The following MAN1C1 variants were observed in gnomAD, a reference collection of about 807,000 sequenced individuals.
MAN1C1 encodes the protein mannosyl-oligosaccharide 1,2-alpha-mannosidase IC.
A neutral mutation model predicts 71.5 loss-of-function variants in MAN1C1; 49 were observed. The ratio of observed to expected loss-of-function variants is 0.69; its 90% confidence interval spans 0.54 to 0.87. The LOEUF (loss-of-function observed/expected upper bound fraction) is 0.87. Among genes scored for constraint, MAN1C1 ranks in the 40% least tolerant of loss-of-function variants. The pLI, the probability that MAN1C1 is intolerant of heterozygous loss-of-function variation, is 0.00. For missense variants in MAN1C1, 743 were observed against 835.0 expected (o/e 0.89, Z 1.36); for synonymous variants, 352 against 343.7 (o/e 1.02, Z -0.27).
At chr1:25,738,103 A>T (rs1264067885) in intron 2 of MAN1C1, among the ~76,000 whole-genome samples, 1 of 151,768 alleles carries the variant, frequency 6.6e-6, no homozygotes, top group Non-Finnish European at 1.5e-5. Flanking sequence ...CTCCAGTAAG[A>T]GCATTCTATT....
At chr1:25,630,346 T>G (rs2045360367) in intron 1 of MAN1C1, among the ~76,000 whole-genome samples, 1 of 152,166 alleles carries the variant, frequency 6.6e-6, no homozygotes, top group South Asian at 2.1e-4. Flanking sequence ...ACCTCTAGAT[T>G]TGTTGTTTTT....
At chr1:25,715,531 T>C (rs1477658240) in intron 2 of MAN1C1, among the ~76,000 whole-genome samples, 1 of 152,200 alleles carries the variant, frequency 6.6e-6, no homozygotes, top group Non-Finnish European at 1.5e-5. Flanking sequence ...GGTGTGAAAG[T>C]TACTGTGGTG....
intron 1 of MAN1C1, among the ~76,000 whole-genome samples, chr1:25,620,358 A>G (rs1276254569): frequency 6.6e-6 from 1 of 152,298 alleles, no homozygotes; most frequent in East Asian, 1.9e-4. Context: ...ATCTTGAAGA[A>G]GAGAGGGCTG....
chr1:25,689,013 G>A (rs950529952), intron 2 of MAN1C1, among the ~76,000 whole-genome samples: 2 of 152,206 alleles, frequency 1.3e-5, no homozygotes, highest in African/African-American at 4.8e-5. Flanking sequence ...CAGATCAGCC[G>A]CAGTGGGTGG....
At chr1:25,713,930 T>A (rs1443173060) in intron 2 of MAN1C1, among the ~76,000 whole-genome samples, 2 of 152,186 alleles carry the variant, frequency 1.3e-5, no homozygotes, top group Non-Finnish European at 2.9e-5. Flanking sequence ...TCAACCTTCG[T>A]GTTTCCTGTA....
chr1:25,778,330 C>G lies in MAN1C1; in HGVS notation c.1477+6C>G. 6.2e-7 allele frequency: 1 copy of G among 1,601,588 alleles called. No homozygotes were observed. The highest frequency in any genetic ancestry group is 1.1e-5 in the South Asian group (1 of 90,236). On this transcript the variant is annotated splice_donor_region_variant and intron_variant, in intron 9 of 11. Transcript: ENST00000374332. This position sits in a 1 kb window ranked among gnomAD's most constrained non-coding sequence, Gnocchi z 5.5. ...CGAGTCATACGCCCGCTCAGGTAAC[C>G]CTGCAAGGGGAAGGGGCAGCAGGAG... is the stretch of plus-strand genomic sequence containing the variant.
intron 1 of MAN1C1, among the ~76,000 whole-genome samples, chr1:25,643,217 G>A (rs1313986299): frequency 1.3e-5 from 2 of 149,368 alleles, no homozygotes; most frequent in Non-Finnish European, 2.9e-5. Flanking sequence ...GCAGTCCTTA[G>A]TCCTACCTCC....
At chr1:25,690,862 A>C (rs995721307) in intron 2 of MAN1C1, among the ~76,000 whole-genome samples, 9 of 152,194 alleles carry the variant, frequency 5.9e-5, no homozygotes, top group African/African-American at 2.2e-4. Flanking sequence ...ACAGAGGTGA[A>C]TTTGCAGCTT....
intron 2 of MAN1C1, among the ~76,000 whole-genome samples, chr1:25,744,925 G>T (rs114201098): frequency 6.6e-6 from 1 of 152,204 alleles, no homozygotes; most frequent in Non-Finnish European, 1.5e-5. Flanking sequence ...GGACACTGAA[G>T]GAACAATTAC....
rs1026788489 is a variant in MAN1C1 at position 25,756,792 on chromosome 1, G to T, written c.930-1800G>T. ...GCCTCAGTTTCCTCCTTTGCATAGG[G>T]GTATGAATGATGCTTTACGTTATGG... On this transcript the variant is annotated intron_variant, in intron 5 of 11. Transcript: ENST00000374332. Among the ~76,000 whole-genome samples the T allele has an allele frequency of 2.6e-5, 4 of 152,154 alleles. No individual in the cohort carries two copies. The East Asian group carries it at 5.8e-4, about 22-fold the overall frequency.
intron 2 of MAN1C1, among the ~76,000 whole-genome samples, chr1:25,743,551 C>T (rs887766595): frequency 2.0e-5 from 3 of 152,202 alleles, no homozygotes; most frequent in Non-Finnish European, 4.4e-5. Context: ...GCAGCTCAGC[C>T]ATGTGCCAGG....
At chr1:25,696,552 T>C (rs1460055168) in intron 2 of MAN1C1, among the ~76,000 whole-genome samples, 1 of 152,228 alleles carries the variant, frequency 6.6e-6, no homozygotes. Context: ...CAGGTCAAGA[T>C]TAAAAGCATT....
chr1:25,754,204 G>A (rs370776209), intron 5 of MAN1C1, among the ~76,000 whole-genome samples: 9 of 152,230 alleles, frequency 5.9e-5, no homozygotes, highest in South Asian at 2.1e-4. Flanking sequence ...CAACAATCCC[G>A]ACGCTAGGAA....
At chr1:25,771,483 G>A (rs577266044) in intron 7 of MAN1C1, among the ~76,000 whole-genome samples, 174 bp from the exon 8 acceptor site, 2 of 152,282 alleles carry the variant, frequency 1.3e-5, no homozygotes, top group East Asian at 3.9e-4. Flanking sequence ...CCTCCAAGTC[G>A]CAGGCTGTGT....
At chr1:25,749,406 C>A in intron 4 of MAN1C1, 71 bp downstream of exon 4, 1 of 1,303,910 alleles carries the variant, frequency 7.7e-7, no homozygotes, top group East Asian at 2.5e-5. Context: ...CAGTCCTTCC[C>A]CCTCATGCCA....
intron 2 of MAN1C1, among the ~76,000 whole-genome samples, chr1:25,709,223 C>T (rs779560115): frequency 2.0e-4 from 31 of 152,094 alleles, no homozygotes; most frequent in Non-Finnish European, 4.0e-4. Context: ...GCATTTACTG[C>T]TCAAGGAGAA....
At chr1:25,705,665 G>T (rs934045354) in intron 2 of MAN1C1, among the ~76,000 whole-genome samples, 1 of 152,338 alleles carries the variant, frequency 6.6e-6, no homozygotes, top group East Asian at 1.9e-4. Context: ...TATATTATCA[G>T]TCAGGCATGG....
In MAN1C1 at chr1:25,753,382, G is replaced by C. The variant is rs2047242556; in HGVS notation, c.835-102G>C. On this transcript the variant is annotated intron_variant, in intron 4 of 11. Coordinates refer to ENST00000374332, the MANE Select transcript of MAN1C1 (RefSeq NM_020379.4). This position sits in a 1 kb window ranked among gnomAD's most constrained non-coding sequence, Gnocchi z 4.9. ...GACTGCAGCACTGCCCCCTACTCTA[G>C]ACCTGCAGCCCTGGGGGGTTCATCC... The C allele has an allele frequency of 1.6e-5, 13 of 788,464 alleles. No individual in the cohort carries two copies. 48.8% of individuals were successfully genotyped at this position (788,464 alleles called of 1,614,324 possible).
chr1:25,634,832 TAATAA>T lies in MAN1C1; in HGVS notation c.540+16508_540+16512del, dbSNP rs1017447904. On this transcript the variant is annotated intron_variant, in intron 1 of 11. Transcript: ENST00000374332. This position sits in a 1 kb window ranked among gnomAD's most constrained non-coding sequence, Gnocchi z 4.6. ...GAGACTCTGTCTCAAAAAAAAATAA[TAATAA>T]AATAAAATAAAAGAATGCTAAATCA... 2.0e-5 allele frequency among the ~76,000 whole-genome samples: 3 copies of T among 151,770 alleles called. No homozygotes were observed. Among genetic ancestry groups the T allele is most frequent in the Admixed American group, 2.0e-4 (3 of 15,232 alleles).
Sources: allele counts gnomAD v4.1 joint callset (sites outside exome capture counted in the v4.1 genomes callset), GRCh38; gene constraint gnomAD v4.1.1; non-coding constraint Gnocchi (gnomAD v3.1); transcripts MANE v1.5; gene names NCBI Gene and HGNC (gene_info 2026-07-23, HGNC 2026-07-21).